Variants in SPMIP2 observed in about 807,000 individuals in gnomAD.
SPMIP2 encodes the protein protein SPMIP2.
At chr4:158,895,874 T>A in the SPMIP2 span, 2 of 1,586,522 alleles carry the variant, frequency 1.3e-6, no homozygotes, top group Non-Finnish European at 1.7e-6. Flanking sequence ...GGGTGAGTTC[T>A]GTGAAGTGCC....
At chr4:158,926,317 TATTGA>T in the SPMIP2 span, among the ~76,000 whole-genome samples, 2 of 152,110 alleles carry the variant, frequency 1.3e-5, no homozygotes, top group Non-Finnish European at 2.9e-5. Flanking sequence ...TTATTGTAGG[TATTGA>T]TAGCTATACA....
At chr4:158,905,311 A>G in the SPMIP2 span, 1 of 152,220 alleles carries the variant, frequency 6.6e-6, no homozygotes, top group Non-Finnish European at 1.5e-5. Context: ...TACAGTCTGA[A>G]ACCGTATGTT....
the SPMIP2 span, among the ~76,000 whole-genome samples, chr4:159,042,481 T>G: frequency 2.0e-5 from 3 of 152,220 alleles, no homozygotes; most frequent in Non-Finnish European, 4.4e-5. Context: ...CCATTCTGAC[T>G]TGGACTCCTT....
the SPMIP2 span, among the ~76,000 whole-genome samples, chr4:159,012,014 C>T: frequency 1.0e-4 from 15 of 148,910 alleles, no homozygotes; most frequent in Admixed American, 2.0e-4. Context: ...CAAGATCACA[C>T]GATTATACTC....
At chr4:159,077,256 C>T in the SPMIP2 span, among the ~76,000 whole-genome samples, 1 of 152,108 alleles carries the variant, frequency 6.6e-6, no homozygotes, top group Non-Finnish European at 1.5e-5. Flanking sequence ...AAGTGATTCT[C>T]GTGCCTCAGC....
the SPMIP2 span, among the ~76,000 whole-genome samples, chr4:158,929,309 TACC>T: frequency 1.3e-5 from 2 of 152,256 alleles, no homozygotes; most frequent in Non-Finnish European, 2.9e-5. Context: ...TAAGCCAACA[TACC>T]CAGCACAATC....
chr4:159,010,908 A>T, the SPMIP2 span, among the ~76,000 whole-genome samples: 1 of 152,120 alleles, frequency 6.6e-6, no homozygotes, highest in African/African-American at 2.4e-5. Flanking sequence ...TGAGTTTCAG[A>T]CCCAATTCTA....
At chr4:158,907,544 A>G in the SPMIP2 span, 1 of 152,226 alleles carries the variant, frequency 6.6e-6, no homozygotes. Flanking sequence ...GTTCTTCACT[A>G]GAGTTGGTTG....
At chr4:159,048,211 G>A in the SPMIP2 span, among the ~76,000 whole-genome samples, 1 of 152,126 alleles carries the variant, frequency 6.6e-6, no homozygotes. Flanking sequence ...ATAATTGACC[G>A]TTTTGTGTAA....
the SPMIP2 span, among the ~76,000 whole-genome samples, chr4:158,964,588 A>G: frequency 7.6e-6 from 1 of 132,102 alleles, no homozygotes; most frequent in Non-Finnish European, 1.7e-5. Context: ...ACTAGCATGC[A>G]AGGGGAGAAA....
the SPMIP2 span, chr4:158,915,410 C>T: frequency 7.0e-7 from 1 of 1,430,012 alleles, no homozygotes; most frequent in East Asian, 2.4e-5. Context: ...AGAAACAAGG[C>T]CACCAGTTTT....
At chr4:158,902,250 C>T in the SPMIP2 span, among the ~76,000 whole-genome samples, 1 of 152,160 alleles carries the variant, frequency 6.6e-6, no homozygotes, top group Non-Finnish European at 1.5e-5. Flanking sequence ...CTGTCTGCTG[C>T]AGGTCTGCTG....
At chr4:158,909,011 A>G in the SPMIP2 span, among the ~76,000 whole-genome samples, 1 of 152,146 alleles carries the variant, frequency 6.6e-6, no homozygotes, top group Non-Finnish European at 1.5e-5. Flanking sequence ...TTTCTAATCT[A>G]CTGCCCCAAT....
the SPMIP2 span, chr4:159,034,943 C>T: frequency 1.1e-6 from 1 of 899,502 alleles, no homozygotes; most frequent in Non-Finnish European, 1.7e-6. Flanking sequence ...GTGATCATTG[C>T]ATTGTTATAT....
At chr4:159,007,002 T>G in the SPMIP2 span, 1 of 403,418 alleles carries the variant, frequency 2.5e-6, no homozygotes, top group East Asian at 6.4e-5. Flanking sequence ...GCCAGTGTTG[T>G]TCTAATATTG....
At chr4:159,062,881 A>G in the SPMIP2 span, among the ~76,000 whole-genome samples, 1 of 143,180 alleles carries the variant, frequency 7.0e-6, no homozygotes, top group Admixed American at 7.1e-5. Flanking sequence ...TTGTAGAGGC[A>G]GGGTTTTTGC....
chr4:159,063,578 T>A, the SPMIP2 span, among the ~76,000 whole-genome samples: 2 of 151,114 alleles, frequency 1.3e-5, no homozygotes, highest in African/African-American at 2.4e-5. Context: ...AATAAATAAA[T>A]AAAAATAAAA....
the SPMIP2 span, among the ~76,000 whole-genome samples, chr4:159,070,586 T>C: frequency 1.5e-3 from 225 of 152,322 alleles, 1 homozygote; most frequent in African/African-American, 5.1e-3. Flanking sequence ...CCTTAAATTA[T>C]TAATATCAAC....
chr4:158,902,278 A>G, the SPMIP2 span, among the ~76,000 whole-genome samples: 10 of 152,248 alleles, frequency 6.6e-5, no homozygotes, highest in East Asian at 1.9e-3. Flanking sequence ...TTGGAGGTCC[A>G]CTACAGACCC....
Sources: allele counts gnomAD v4.1 joint callset (sites outside exome capture counted in the v4.1 genomes callset), GRCh38; gene constraint gnomAD v4.1.1; transcripts MANE v1.5; gene names NCBI Gene and HGNC (gene_info 2026-07-23, HGNC 2026-07-21).